The following PTPRG variants were observed in gnomAD, a reference collection of about 807,000 sequenced individuals.
The protein encoded by PTPRG is protein tyrosine phosphatase receptor type G.
In PTPRG, 102 loss-of-function variants were observed where a neutral mutation model predicts 165.3. The observed-to-expected ratio is 0.62, with a 90% CI of 0.53 to 0.73. The LOEUF is 0.73. Among genes scored for constraint, PTPRG ranks in the 30% least tolerant of loss-of-function variants. PTPRG has a pLI of 0.00. For missense variants in PTPRG, 1,866 were observed against 1,861.4 expected (o/e 1.00, Z -0.05); for synonymous variants, 675 against 669.5 (o/e 1.01, Z -0.13).
chr3:61,894,730 A>T (rs1019487733), intron 2 of PTPRG, among the ~76,000 whole-genome samples: 2 of 152,210 alleles, frequency 1.3e-5, no homozygotes, highest in Non-Finnish European at 2.9e-5. Context: ...TCACAAAGAA[A>T]ACCTTCTTCC....
chr3:61,978,433 A>AT (rs1273344333), intron 2 of PTPRG, among the ~76,000 whole-genome samples: 4 of 152,162 alleles, frequency 2.6e-5, no homozygotes, highest in Non-Finnish European at 5.9e-5. Context: ...TCTTGGATTC[A>AT]TTTGAAGTTT....
At chr3:61,930,038 G>T (rs2039319577) in intron 2 of PTPRG, among the ~76,000 whole-genome samples, 1 of 143,612 alleles carries the variant, frequency 7.0e-6, no homozygotes, top group Non-Finnish European at 1.5e-5. Context: ...AGATAATGCG[G>T]TATTTTTTTT....
intron 1 of PTPRG, among the ~76,000 whole-genome samples, chr3:61,617,511 T>C (rs182903627): frequency 1.3e-5 from 2 of 152,314 alleles, no homozygotes; most frequent in East Asian, 3.9e-4. Context: ...ATACAGAACT[T>C]CCAAGAACCA....
chr3:61,852,892 C>T (rs1575722931), intron 2 of PTPRG, among the ~76,000 whole-genome samples: 1 of 152,232 alleles, frequency 6.6e-6, no homozygotes, highest in East Asian at 1.9e-4. Context: ...TTGCAAAGGT[C>T]CTAAAAGCTG....
intron 2 of PTPRG, among the ~76,000 whole-genome samples, chr3:61,947,893 A>T (rs1488656071): frequency 6.6e-6 from 1 of 152,088 alleles, no homozygotes; most frequent in African/African-American, 2.4e-5. Context: ...CCCTGACCAG[A>T]CCCTGCTTGC....
At chr3:62,012,932 A>T (rs2041462092) in intron 4 of PTPRG, among the ~76,000 whole-genome samples, 1 of 152,230 alleles carries the variant, frequency 6.6e-6, no homozygotes, top group Admixed American at 6.5e-5. Flanking sequence ...ATCTGGATTG[A>T]CCGCTTCAGT....
At chr3:61,991,123 C>A (rs890625563) in intron 3 of PTPRG, among the ~76,000 whole-genome samples, 3 of 152,192 alleles carry the variant, frequency 2.0e-5, no homozygotes, top group African/African-American at 7.2e-5. Flanking sequence ...TGTGTTATAG[C>A]AGGTGACCCT....
At chr3:61,940,830 A>AT (rs1301595526) in intron 2 of PTPRG, among the ~76,000 whole-genome samples, 8 of 151,780 alleles carry the variant, frequency 5.3e-5, no homozygotes, top group Non-Finnish European at 8.8e-5. Context: ...TGCCCGGCTA[A>AT]TTTTTTTGTA....
At chr3:61,634,938 A>G (rs1032500322) in intron 1 of PTPRG, among the ~76,000 whole-genome samples, 4 of 152,172 alleles carry the variant, frequency 2.6e-5, no homozygotes, top group African/African-American at 9.7e-5. Context: ...CAGTTCTCTA[A>G]TCTCCTTGAC....
chr3:61,694,463 G>A (rs1001678813), intron 1 of PTPRG, among the ~76,000 whole-genome samples: 1 of 152,204 alleles, frequency 6.6e-6, no homozygotes. Context: ...GACTGCAACT[G>A]TGTCAGTACG....
At chr3:62,276,710 C>G (rs1316896153) in intron 24 of PTPRG, 1 of 454,922 alleles carries the variant, frequency 2.2e-6, no homozygotes, top group Non-Finnish European at 3.9e-6. Flanking sequence ...ATAAAGTATT[C>G]TGTTATTGAT....
intron 1 of PTPRG, among the ~76,000 whole-genome samples, chr3:61,748,327 G>A (rs1161367464): frequency 6.6e-6 from 1 of 152,140 alleles, no homozygotes; most frequent in Non-Finnish European, 1.5e-5. Flanking sequence ...TACCTACTGG[G>A]TGACCTGGGG....
intron 2 of PTPRG, among the ~76,000 whole-genome samples, chr3:61,841,606 C>A (rs1039417111): frequency 3.3e-5 from 5 of 151,838 alleles, no homozygotes; most frequent in African/African-American, 1.2e-4. Context: ...ACCCCTCTGC[C>A]CTTAAGAAAT....
intron 6 of PTPRG, among the ~76,000 whole-genome samples, chr3:62,150,287 G>A (rs1186209060): frequency 6.6e-6 from 1 of 152,224 alleles, no homozygotes; most frequent in African/African-American, 2.4e-5. Flanking sequence ...AAAGAGGCCA[G>A]TGTAGCTATA....
chr3:61,616,782 C>A (rs753356820), intron 1 of PTPRG, among the ~76,000 whole-genome samples: 1 of 152,164 alleles, frequency 6.6e-6, no homozygotes, highest in African/African-American at 2.4e-5. Context: ...TGTGTTAATA[C>A]GCAACTTTAT....
At chr3:61,641,351 G>T (rs1331357304) in intron 1 of PTPRG, among the ~76,000 whole-genome samples, 1 of 152,214 alleles carries the variant, frequency 6.6e-6, no homozygotes. Flanking sequence ...GGGGAACAAA[G>T]TGGAAATCTC....
chr3:61,997,419 T>C lies in PTPRG; in HGVS notation c.371-5930T>C, dbSNP rs561940491. On this transcript the variant is annotated intron_variant, in intron 3 of 29. Transcript: ENST00000474889. ...ACTGTCCGTGCCTCATGCTCTGTCC[T>C]CGTGTCCCATCCTGCTCTCTGGGTA... Among the ~76,000 whole-genome samples the C allele has an allele frequency of 2.0e-5, 3 of 152,334 alleles. No individual in the cohort carries two copies. In the East Asian group the frequency reaches 5.8e-4, roughly 29 times the overall value.
intron 8 of PTPRG, 51 bp downstream of exon 8, chr3:62,168,214 T>A (rs1362879702): frequency 1.3e-6 from 2 of 1,494,038 alleles, no homozygotes; most frequent in South Asian, 2.6e-5. Flanking sequence ...TATCATAAAT[T>A]ACTTTAAATT....
intron 1 of PTPRG, among the ~76,000 whole-genome samples, chr3:61,569,964 T>A (rs1010194147): frequency 2.0e-5 from 3 of 152,198 alleles, no homozygotes; most frequent in Non-Finnish European, 2.9e-5. Context: ...GTCTCATAAG[T>A]CTTCCAAATC....
Sources: allele counts gnomAD v4.1 joint callset (sites outside exome capture counted in the v4.1 genomes callset), GRCh38; gene constraint gnomAD v4.1.1; transcripts MANE v1.5; gene names NCBI Gene and HGNC (gene_info 2026-07-23, HGNC 2026-07-21).